Variants in VEGFC observed in about 807,000 individuals in gnomAD.
VEGFC encodes vascular endothelial growth factor C.
Under a neutral mutation model 46.1 loss-of-function variants are expected in VEGFC, and 12 were observed. The ratio of observed to expected loss-of-function variants is 0.26; its 90% CI spans 0.17 to 0.42. The LOEUF is 0.42. Ranked by LOEUF, VEGFC falls within the 10% of genes least tolerant of loss-of-function variation. The pLI is 1.00. For missense variants in VEGFC, 488 were observed against 529.4 expected (o/e 0.92, Z 0.77); for synonymous variants, 232 against 195.5 (o/e 1.19, Z -1.56).
At chr4:176,743,107 A>G (rs1235881351) in intron 1 of VEGFC, among the ~76,000 whole-genome samples, 1 of 152,046 alleles carries the variant, frequency 6.6e-6, no homozygotes, top group African/African-American at 2.4e-5. Context: ...GCACAAGAAC[A>G]GATCAAGTGA....
chr4:176,763,073 C>T (rs1269049221), intron 1 of VEGFC, among the ~76,000 whole-genome samples: 3 of 152,172 alleles, frequency 2.0e-5, no homozygotes, highest in Non-Finnish European at 2.9e-5. Context: ...AAGCTCTCAT[C>T]CTAGTTGTGG....
At position 176,775,251 on chromosome 4, in the gene VEGFC, T is replaced by G. The variant is rs145412630; in HGVS notation, c.147+16914A>C. Among the ~76,000 whole-genome samples, 458 of 151,194 alleles carry G rather than the reference T, an allele frequency of 3.0e-3. 2 individuals are homozygous for G. Among genetic ancestry groups the G allele is most frequent in the African/African-American group, 0.011 (442 of 41,220 alleles). On this transcript the variant is annotated intron_variant, in intron 1 of 6. Transcript: ENST00000618562. ...GGCTCCAGCTCTAGAATTTTACAAC[T>G]GAGAAAAAAAAAGTAATGAAAGAGA...
At chr4:176,766,352 G>A (rs1735622170) in intron 1 of VEGFC, among the ~76,000 whole-genome samples, 1 of 152,116 alleles carries the variant, frequency 6.6e-6, no homozygotes, top group East Asian at 1.9e-4. Context: ...TTCAGAGGCT[G>A]ATGCAGGAGG....
intron 6 of VEGFC, among the ~76,000 whole-genome samples, chr4:176,685,490 C>T (rs550785240): frequency 6.6e-6 from 1 of 152,102 alleles, no homozygotes; most frequent in South Asian, 2.1e-4. Flanking sequence ...TTGCAGTAAA[C>T]AGAGTCTTTT....
rs79740733 is a variant in VEGFC at position 176,699,858 on chromosome 4, G to A, written c.704+11641C>T. Among the ~76,000 whole-genome samples, 1,041 of 152,200 alleles carry A rather than the reference G, an allele frequency of 6.8e-3. 6 individuals carry two copies. The highest frequency in any genetic ancestry group is 0.012 in the Admixed American group (183 of 15,284). On this transcript the variant is annotated intron_variant, in intron 4 of 6. Transcript: ENST00000618562. ...TTGTTAAAAAGGCACATGCTTAATC[G>A]TATGTATCAAAAACACATAGACTTA...
At position 176,711,479 on chromosome 4, in the gene VEGFC, TA is replaced by T; in HGVS notation, c.704+19del. On this transcript the variant is annotated intron_variant, in intron 4 of 6. Transcript: ENST00000618562. ...ATATTAGTAGAGGATGCAGAAAAAA[TA>T]GATTTAATTCATACTCACTGTGGTA... 2 of 1,585,264 alleles carry T rather than the reference TA, an allele frequency of 1.3e-6. No individual in the cohort carries two copies. Among genetic ancestry groups the T allele is most frequent in the Non-Finnish European group, 1.7e-6 (2 of 1,167,102 alleles).
In VEGFC at chr4:176,711,499, T is replaced by C; in HGVS notation, c.704A>G (p.Gln235Arg). The change falls in exon 4 of 7, where the codon CAG becomes CGG. Residue 235 changes from glutamine to arginine, a missense_variant and splice_region_variant. Gln to Arg is a conservative substitution (Grantham distance 43, BLOSUM62 1). Transcript: ENST00000618562. ...IRRSLPATLPQCQAANKTCPT... is the reference protein window; with the variant it reads ...IRRSLPATLPRCQAANKTCPT... Reference sequence around the variant, plus strand: ...AAAAATAGATTTAATTCATACTCACTGTGGTAGTGTTGCTGGCAGGGAACG... The same window carrying C: ...AAAAATAGATTTAATTCATACTCACCGTGGTAGTGTTGCTGGCAGGGAACG... 1 of 1,611,226 alleles carries C rather than the reference T, an allele frequency of 6.2e-7. No homozygotes were observed. The highest frequency in any genetic ancestry group is 8.5e-7 in the Non-Finnish European group (1 of 1,178,708).
chr4:176,769,239 T>C (rs1260073135), intron 1 of VEGFC, among the ~76,000 whole-genome samples: 2 of 152,174 alleles, frequency 1.3e-5, no homozygotes, highest in African/African-American at 4.8e-5. Context: ...TTCTGTTCTT[T>C]ATAAATTATC....
At chr4:176,746,712 A>G (rs968768723) in intron 1 of VEGFC, among the ~76,000 whole-genome samples, 1 of 152,114 alleles carries the variant, frequency 6.6e-6, no homozygotes, top group Non-Finnish European at 1.5e-5. Context: ...TGTGGTTTCT[A>G]GTATGAGTAA....
At chr4:176,721,838 G>A (rs1379315802) in intron 3 of VEGFC, among the ~76,000 whole-genome samples, 2 of 151,958 alleles carry the variant, frequency 1.3e-5, no homozygotes, top group Non-Finnish European at 2.9e-5. Context: ...ATAGAAATCA[G>A]GAAAGAAGCC....
intron 3 of VEGFC, among the ~76,000 whole-genome samples, chr4:176,717,086 A>T (rs566228118): frequency 3.3e-5 from 5 of 152,186 alleles, no homozygotes; most frequent in Non-Finnish European, 7.4e-5. Context: ...TTTCTAAAAC[A>T]GTTTTATACA....
intron 1 of VEGFC, among the ~76,000 whole-genome samples, chr4:176,733,150 C>A (rs1186299919): frequency 6.6e-6 from 1 of 151,960 alleles, no homozygotes; most frequent in Non-Finnish European, 1.5e-5. Flanking sequence ...CTGGAACTCT[C>A]ACATGTTGCT....
chr4:176,742,681 T>C (rs1735196451), intron 1 of VEGFC, among the ~76,000 whole-genome samples: 1 of 152,028 alleles, frequency 6.6e-6, no homozygotes, highest in African/African-American at 2.4e-5. Flanking sequence ...GTTCTAAAGA[T>C]GAAAATGCTT....
chr4:176,740,817 C>T (rs1735159028), intron 1 of VEGFC, among the ~76,000 whole-genome samples: 1 of 151,732 alleles, frequency 6.6e-6, no homozygotes, highest in African/African-American at 2.4e-5. Context: ...ATTTTTGTTT[C>T]ATTGCACCTT....
chr4:176,792,085 T>C lies in VEGFC; in HGVS notation c.147+80A>G. On this transcript the variant is annotated intron_variant, in intron 1 of 6. Coordinates refer to ENST00000618562, the MANE Select transcript of VEGFC (RefSeq NM_005429.5). The surrounding 1 kb of genome is among the most constrained non-coding windows in gnomAD (Gnocchi z 6.3). ...ACACAAGCTTAAAGCACACACACTT[T>C]CCCCCGCGCAGGTTCTCGGGTCCGC... 1 of 1,397,716 alleles carries C rather than the reference T, an allele frequency of 7.2e-7. No homozygotes were observed. The highest frequency in any genetic ancestry group is 9.3e-7 in the Non-Finnish European group (1 of 1,071,068). 86.6% of individuals were successfully genotyped at this position (1,397,716 alleles called of 1,614,324 possible).
rs191977620 is a variant in VEGFC at position 176,780,251 on chromosome 4, C to T, written c.147+11914G>A. The stretch of plus-strand genomic sequence containing the variant: ...CAAAAATTAGCCTGGCATGGTGGTG[C>T]GTGCCTGTAATCCCAGCTACTCAGA... On this transcript the variant is annotated intron_variant, in intron 1 of 6. Coordinates refer to ENST00000618562, the MANE Select transcript of VEGFC (RefSeq NM_005429.5). 1.4e-3 allele frequency among the ~76,000 whole-genome samples: 209 copies of T among 151,896 alleles called. 1 individual carries two copies. Among genetic ancestry groups the T allele is most frequent in the Non-Finnish European group, 6.8e-4 (46 of 67,956 alleles).
intron 1 of VEGFC, among the ~76,000 whole-genome samples, chr4:176,739,969 TCG>T (rs1386228009): frequency 2.9e-4 from 6 of 20,528 alleles, no homozygotes; most frequent in East Asian, 6.3e-3. Context: ...ATTCGATATA[TCG>T]AATATATATA....
intron 1 of VEGFC, among the ~76,000 whole-genome samples, chr4:176,783,721 A>AC (rs1335724168): frequency 3.3e-5 from 5 of 152,156 alleles, no homozygotes; most frequent in Admixed American, 2.6e-4. Context: ...GGAAGTGGGA[A>AC]CATATTATAG....
chr4:176,744,911 A>G (rs139560339), intron 1 of VEGFC, among the ~76,000 whole-genome samples: 129 of 152,144 alleles, frequency 8.5e-4, no homozygotes, highest in African/African-American at 2.9e-3. Context: ...ACCATATTAC[A>G]TTATTTCTAC....
Sources: allele counts gnomAD v4.1 joint callset (sites outside exome capture counted in the v4.1 genomes callset), GRCh38; gene constraint gnomAD v4.1.1; non-coding constraint Gnocchi (gnomAD v3.1); transcripts MANE v1.5; gene names NCBI Gene and HGNC (gene_info 2026-07-23, HGNC 2026-07-21).